Variants in GALNT13 observed in about 807,000 individuals in gnomAD.
GALNT13 encodes polypeptide N-acetylgalactosaminyltransferase 13, also known as UDP-GalNAc:polypeptide N-acetylgalactosaminyltransferase 13.
Under a neutral mutation model 64.2 loss-of-function variants are expected in GALNT13, and 28 were observed. The ratio of observed to expected loss-of-function variants is 0.44; its 90% CI spans 0.32 to 0.60. The LOEUF is 0.60. Ranked by LOEUF, GALNT13 falls within the 20% of genes least tolerant of loss-of-function variation. GALNT13 has a pLI of 0.05. For missense variants in GALNT13, 577 were observed against 669.8 expected, an observed-to-expected ratio of 0.86 and a Z score of 1.53; for synonymous variants, 214 against 224.6, an observed-to-expected ratio of 0.95 and a Z score of 0.42.
chr2:153,362,553 C>CAAAA, the GALNT13 span, among the ~76,000 whole-genome samples: 2,241 of 79,890 alleles, frequency 0.028, 116 homozygotes, highest in African/African-American at 0.04. Flanking sequence ...AAATGGAGAG[C>CAAAA]AAAAAAAAAA....
chr2:153,829,679 G>C, the GALNT13 span, among the ~76,000 whole-genome samples: 3 of 152,154 alleles, frequency 2.0e-5, no homozygotes, highest in South Asian at 2.1e-4. Context: ...TGTGTATCTG[G>C]AGCTCAGGAA....
At chr2:153,142,953 A>C in the GALNT13 span, among the ~76,000 whole-genome samples, 2 of 151,982 alleles carry the variant, frequency 1.3e-5, no homozygotes, top group African/African-American at 4.8e-5. Flanking sequence ...ACAGGGGTTC[A>C]ACTTCCCAAG....
chr2:153,538,326 CT>C, the GALNT13 span, among the ~76,000 whole-genome samples: 3,751 of 100,718 alleles, frequency 0.037, 172 homozygotes, highest in African/African-American at 0.11. Context: ...TTTTTTAATT[CT>C]TTTTTTTTTT....
chr2:154,000,855 C>T (rs1005524354), intron 3 of GALNT13, among the ~76,000 whole-genome samples: 1 of 151,854 alleles, frequency 6.6e-6, no homozygotes, highest in African/African-American at 2.4e-5. Context: ...TGATTTTCTA[C>T]CTGAATGATC....
At chr2:153,392,031 A>T in the GALNT13 span, among the ~76,000 whole-genome samples, 2 of 148,510 alleles carry the variant, frequency 1.3e-5, no homozygotes, top group African/African-American at 2.4e-5. Context: ...TTTATATAAT[A>T]TATGTGATTT....
At chr2:153,853,542 A>G in the GALNT13 span, among the ~76,000 whole-genome samples, 3 of 152,138 alleles carry the variant, frequency 2.0e-5, no homozygotes, top group Non-Finnish European at 4.4e-5. Flanking sequence ...AGATGATGGA[A>G]TATCTCCAAG....
chr2:153,904,772 T>G (rs1372632504), intron 2 of GALNT13, among the ~76,000 whole-genome samples: 1 of 151,854 alleles, frequency 6.6e-6, no homozygotes, highest in Non-Finnish European at 1.5e-5. Flanking sequence ...TTTTTGATGT[T>G]CCTAATTTTA....
At chr2:153,772,334 T>C in the GALNT13 span, among the ~76,000 whole-genome samples, 1 of 152,194 alleles carries the variant, frequency 6.6e-6, no homozygotes, top group African/African-American at 2.4e-5. Flanking sequence ...CCTCTGCCTG[T>C]CTCCTCAAGT....
At chr2:153,305,148 A>G in the GALNT13 span, among the ~76,000 whole-genome samples, 2 of 152,198 alleles carry the variant, frequency 1.3e-5, no homozygotes, top group African/African-American at 4.8e-5. Context: ...CAAGGAACCC[A>G]ACTTGCAGGT....
chr2:153,169,990 C>CTAA, the GALNT13 span, among the ~76,000 whole-genome samples: 4 of 152,096 alleles, frequency 2.6e-5, no homozygotes, highest in African/African-American at 9.7e-5. Flanking sequence ...TTAAAACCAA[C>CTAA]TAATCTTCAT....
At position 154,298,598 on chromosome 2, in the gene GALNT13, A is replaced by ATTGT. The variant is rs1693136197; in HGVS notation, c.976-2811_976-2810insTTGT. 2.9e-3 allele frequency among the ~76,000 whole-genome samples: 9 copies of ATTGT among 3,078 alleles called. 1 individual carries two copies. The highest frequency in any genetic ancestry group is 0.062 in the South Asian group (1 of 16). The allele number at this position is 3,078 out of a possible 152,430, so 2.0% of individuals were successfully genotyped here. ...AATTGTATATATAATTTATATATAC[A>ATTGT]ATGTATATATTAATTTATATATACA... On this transcript the variant is annotated intron_variant, in intron 8 of 12. Transcript: ENST00000392825.
the GALNT13 span, among the ~76,000 whole-genome samples, chr2:153,636,886 TAGA>T: frequency 2.0e-5 from 3 of 152,136 alleles, no homozygotes; most frequent in African/African-American, 7.2e-5. Flanking sequence ...AGGATAAGGT[TAGA>T]AGGTGACTTG....
chr2:153,136,728 A>G, the GALNT13 span, among the ~76,000 whole-genome samples: 1 of 152,064 alleles, frequency 6.6e-6, no homozygotes, highest in Non-Finnish European at 1.5e-5. Context: ...CAGAGACGTT[A>G]CTACATGTAT....
chr2:154,018,701 G>A (rs1038270646), intron 3 of GALNT13, among the ~76,000 whole-genome samples: 2 of 151,500 alleles, frequency 1.3e-5, no homozygotes, highest in East Asian at 3.9e-4. Context: ...AGAGAATGGT[G>A]GAACGGGTGA....
chr2:154,188,860 C>G (rs2105749354), intron 4 of GALNT13, among the ~76,000 whole-genome samples: 1 of 152,168 alleles, frequency 6.6e-6, no homozygotes, highest in Non-Finnish European at 1.5e-5. Flanking sequence ...ATTTTTAAGA[C>G]TGTAGTTTGA....
chr2:153,309,741 A>G, the GALNT13 span, among the ~76,000 whole-genome samples: 1 of 152,092 alleles, frequency 6.6e-6, no homozygotes, highest in Non-Finnish European at 1.5e-5. Context: ...ATTCAGCATA[A>G]TAAAGAAATT....
At chr2:154,388,725 G>T (rs1005261338) in intron 9 of GALNT13, among the ~76,000 whole-genome samples, 1 of 152,080 alleles carries the variant, frequency 6.6e-6, no homozygotes, top group Admixed American at 6.6e-5. Context: ...GGAGAAAAAT[G>T]CAGATTCTTA....
At chr2:153,330,759 T>A in the GALNT13 span, among the ~76,000 whole-genome samples, 1 of 152,152 alleles carries the variant, frequency 6.6e-6, no homozygotes, top group East Asian at 1.9e-4. Context: ...CCCATTCGTA[T>A]GCCTTTTATT....
At chr2:153,858,114 T>C in the GALNT13 span, among the ~76,000 whole-genome samples, 19 of 152,180 alleles carry the variant, frequency 1.2e-4, no homozygotes, top group Non-Finnish European at 4.4e-5. Context: ...AATTAGGTGA[T>C]CTTAAATTAA....
Sources: gnomAD v4.1 joint callset for allele counts (sites outside exome capture counted in the v4.1 genomes callset) on GRCh38, gnomAD v4.1.1 for gene constraint, MANE v1.5 for transcripts, NCBI Gene and HGNC (gene_info 2026-07-23, HGNC 2026-07-21) for gene names.